Variants in CNTN4 observed in about 807,000 individuals in gnomAD.
CNTN4 encodes contactin 4.
A neutral mutation model predicts 122.5 loss-of-function variants in CNTN4; 77 were observed. The observed-to-expected ratio is 0.63, with a 90% CI of 0.52 to 0.76. The LOEUF (loss-of-function observed/expected upper bound fraction) is 0.76, where lower values mean the gene tolerates loss of function less well. Ranked by LOEUF, CNTN4 falls within the 30% of genes least tolerant of loss-of-function variation. CNTN4 has a pLI of 0.00. For synonymous variants in CNTN4, 512 were observed against 447.0 expected (o/e 1.15, Z -1.83); for missense variants, 1,256 against 1,259.1 (o/e 1.00, Z 0.04).
chr3:2,959,025 A>G (rs1393298537), intron 13 of CNTN4, among the ~76,000 whole-genome samples: 3 of 152,190 alleles, frequency 2.0e-5, no homozygotes, highest in African/African-American at 7.2e-5. Flanking sequence ...ACAAAGACAC[A>G]TATACAATGA....
chr3:2,977,933 C>T (rs563525967), intron 13 of CNTN4, among the ~76,000 whole-genome samples: 3 of 152,082 alleles, frequency 2.0e-5, no homozygotes, highest in Admixed American at 6.6e-5. Context: ...GACACACATC[C>T]GCACCATGTG....
At chr3:2,779,839 A>G (rs1025219432) in intron 6 of CNTN4, among the ~76,000 whole-genome samples, 3 of 152,256 alleles carry the variant, frequency 2.0e-5, no homozygotes, top group African/African-American at 7.2e-5. Context: ...GATATCCTTA[A>G]AAGCCTTCAT....
At chr3:2,500,060 A>G (rs1198545638) in intron 3 of CNTN4, among the ~76,000 whole-genome samples, 4 of 152,166 alleles carry the variant, frequency 2.6e-5, no homozygotes, top group Non-Finnish European at 5.9e-5. Context: ...CAAATACAAT[A>G]GATTCTTGTG....
intron 4 of CNTN4, among the ~76,000 whole-genome samples, chr3:2,676,777 T>C (rs1430017032): frequency 6.6e-6 from 1 of 152,218 alleles, no homozygotes; most frequent in Non-Finnish European, 1.5e-5. Flanking sequence ...TCAAGTTCTT[T>C]GGAAACTTCA....
At chr3:3,055,475 G>A (rs1037248971) in intron 24 of CNTN4, among the ~76,000 whole-genome samples, 10 of 152,188 alleles carry the variant, frequency 6.6e-5, no homozygotes, top group African/African-American at 2.4e-4. Context: ...TGGTCAAAGA[G>A]ACCTTACAAG....
At chr3:2,384,111 G>A (rs2046141767) in intron 3 of CNTN4, among the ~76,000 whole-genome samples, 1 of 152,172 alleles carries the variant, frequency 6.6e-6, no homozygotes, top group Non-Finnish European at 1.5e-5. Flanking sequence ...GTTGTTGGGT[G>A]AATCAAATAA....
intron 2 of CNTN4, among the ~76,000 whole-genome samples, chr3:2,326,518 ACACACACAC>A (rs1390432716): frequency 2.5e-4 from 35 of 140,442 alleles, no homozygotes; most frequent in African/African-American, 8.6e-4. Context: ...ACACACACAC[ACACACACAC>A]AATCTTACTG....
rs935816502 is a variant in CNTN4 at position 2,709,058 on chromosome 3, C to A, written c.56-27157C>A. 1.4e-4 allele frequency among the ~76,000 whole-genome samples: 22 copies of A among 152,098 alleles called. No homozygotes were observed. The highest frequency in any genetic ancestry group is 3.4e-3 in the Middle Eastern group (1 of 294). ...ATCTCTTCTCAGATATCTCATAGAC[C>A]ATCCCCCCTCTGCTGCCACTGAATT... On this transcript the variant is annotated intron_variant, in intron 4 of 24. Coordinates refer to ENST00000418658, the MANE Select transcript of CNTN4 (RefSeq NM_175607.3). This position sits in a 1 kb window ranked among gnomAD's most constrained non-coding sequence, Gnocchi z 5.0.
chr3:2,755,590 C>A (rs552961514), intron 6 of CNTN4, among the ~76,000 whole-genome samples: 22 of 152,072 alleles, frequency 1.4e-4, no homozygotes, highest in Non-Finnish European at 3.2e-4. Flanking sequence ...CAAGGTAAAT[C>A]TTAGGAGCTA....
At chr3:3,026,992 TG>T (rs1311155018) in intron 15 of CNTN4, among the ~76,000 whole-genome samples, 2 of 152,184 alleles carry the variant, frequency 1.3e-5, no homozygotes, top group East Asian at 3.9e-4. Flanking sequence ...GCCATTTTTA[TG>T]ATGGAGTCCA....
At chr3:2,671,235 C>T (rs539279106) in intron 4 of CNTN4, among the ~76,000 whole-genome samples, 38 of 152,266 alleles carry the variant, frequency 2.5e-4, no homozygotes, top group Non-Finnish European at 5.0e-4. Context: ...ACCAAACAGA[C>T]GTAGATTTGG....
In CNTN4 at chr3:2,449,716, A is replaced by G. The variant is rs1276803835; in HGVS notation, c.-89+110483A>G. Among the ~76,000 whole-genome samples, 3 of 152,088 alleles carry G rather than the reference A, an allele frequency of 2.0e-5. 1 individual carries two copies. Among genetic ancestry groups the G allele is most frequent in the South Asian group, 4.1e-4 (2 of 4,830 alleles). Reference sequence around the variant, plus strand: ...AAGTGGTATTGCTGGATCAAATGGTAGCTTTTAAAAATGTGGTATATTTAT... The same window carrying G: ...AAGTGGTATTGCTGGATCAAATGGTGGCTTTTAAAAATGTGGTATATTTAT... On this transcript the variant is annotated intron_variant, in intron 3 of 24. Transcript: ENST00000418658.
chr3:2,450,454 G>A (rs2151355161), intron 3 of CNTN4, among the ~76,000 whole-genome samples: 1 of 152,198 alleles, frequency 6.6e-6, no homozygotes, highest in Non-Finnish European at 1.5e-5. Context: ...GAAGAGATGT[G>A]TTTGTATGTT....
At chr3:2,379,067 T>C (rs1027161210) in intron 3 of CNTN4, among the ~76,000 whole-genome samples, 1 of 152,230 alleles carries the variant, frequency 6.6e-6, no homozygotes, top group Non-Finnish European at 1.5e-5. Context: ...TGCCCATTCA[T>C]TGCCTAGCAT....
At chr3:2,703,500 T>C (rs546473548) in intron 4 of CNTN4, among the ~76,000 whole-genome samples, 3 of 152,318 alleles carry the variant, frequency 2.0e-5, no homozygotes, top group Admixed American at 6.5e-5. Context: ...AGATGGAACT[T>C]GCCCATGTGA....
At chr3:2,418,733 G>GA (rs1477992764) in intron 3 of CNTN4, among the ~76,000 whole-genome samples, 2 of 152,050 alleles carry the variant, frequency 1.3e-5, no homozygotes, top group Admixed American at 6.5e-5. Context: ...GTTATATTAA[G>GA]AAAAAATAAT....
intron 13 of CNTN4, among the ~76,000 whole-genome samples, chr3:2,964,761 C>T (rs1484467275): frequency 6.6e-6 from 1 of 152,130 alleles, no homozygotes; most frequent in Non-Finnish European, 1.5e-5. Context: ...TACAAAGACA[C>T]AATTATTCAG....
At chr3:2,226,285 T>C (rs1223683091) in intron 2 of CNTN4, among the ~76,000 whole-genome samples, 1 of 152,198 alleles carries the variant, frequency 6.6e-6, no homozygotes, top group Admixed American at 6.5e-5. Context: ...ACACTCCCTA[T>C]CGTAGTTAGC....
intron 13 of CNTN4, among the ~76,000 whole-genome samples, chr3:2,982,155 G>A (rs1157957320): frequency 5.3e-5 from 8 of 152,158 alleles, no homozygotes; most frequent in Admixed American, 5.2e-4. Flanking sequence ...ATGAAGAAAT[G>A]TCAGGTGCTT....
Sources: gnomAD v4.1 joint callset for allele counts (sites outside exome capture counted in the v4.1 genomes callset) on GRCh38, gnomAD v4.1.1 for gene constraint, Gnocchi (gnomAD v3.1) non-coding constraint, MANE v1.5 for transcripts, NCBI Gene and HGNC (gene_info 2026-07-23, HGNC 2026-07-21) for gene names.